DIDO1: variants seen among roughly 807,000 people sequenced by gnomAD.
The protein encoded by DIDO1 is death inducer-obliterator 1.
In DIDO1, 16 loss-of-function variants were observed where a neutral mutation model predicts 99.4. That is an observed-to-expected ratio of 0.16 (90% confidence interval 0.11 to 0.24). The LOEUF is 0.24. Among genes scored for constraint, DIDO1 ranks in the 10% least tolerant of loss-of-function variants. The pLI is 1.00. For missense variants in DIDO1, 2,996 were observed against 3,014.0 expected, an observed-to-expected ratio of 0.99 and a Z score of 0.14; for synonymous variants, 1,366 against 1,239.1, an observed-to-expected ratio of 1.10 and a Z score of -2.15.
chr20:62,937,855 G>C (rs533167781), exon 1 of DIDO1: 1 of 398,532 alleles, frequency 2.5e-6, no homozygotes, highest in Admixed American at 4.4e-5. Context: ...GCGCTCCAAC[G>C]CCTCCGCAGC....
chr20:62,889,864 A>T (rs1050240099), intron 15 of DIDO1: 1 of 985,366 alleles, frequency 1.0e-6, no homozygotes, highest in Admixed American at 6.1e-5. Flanking sequence ...GAAATTACTG[A>T]TACCAACCAA....
chr20:62,936,684 G>A (rs1383092464), intron 1 of DIDO1, among the ~76,000 whole-genome samples: 1 of 151,706 alleles, frequency 6.6e-6, no homozygotes, highest in Admixed American at 6.6e-5. Flanking sequence ...ACCAACAAGG[G>A]GAAACCCCGT....
In DIDO1 at chr20:62,894,803, T is replaced by G; in HGVS notation, c.2436+7A>C. The G allele has an allele frequency of 6.2e-7, 1 of 1,607,332 alleles. No individual in the cohort carries two copies. The highest frequency in any genetic ancestry group is 8.5e-7 in the Non-Finnish European group (1 of 1,178,134). On this transcript the variant is annotated splice_region_variant and intron_variant, in intron 10 of 15. Coordinates refer to ENST00000395343, the MANE Select transcript of DIDO1 (RefSeq NM_001193369.2). This position sits in a 1 kb window ranked among gnomAD's most constrained non-coding sequence, Gnocchi z 4.4. Reference sequence around the variant, plus strand: ...CTCGGTGAACACAAAATCTCCCAAATGCTTACCTCTGAATCCGACACTGGC... The same window carrying G: ...CTCGGTGAACACAAAATCTCCCAAAGGCTTACCTCTGAATCCGACACTGGC...
chr20:62,901,373 T>C (rs1025668875), intron 6 of DIDO1, among the ~76,000 whole-genome samples: 1 of 152,220 alleles, frequency 6.6e-6, no homozygotes, highest in Non-Finnish European at 1.5e-5. Flanking sequence ...CGTGGACAGA[T>C]GGACGTTCCA....
chr20:62,919,278 T>A lies in DIDO1; in HGVS notation c.-199-4872A>T, dbSNP rs6089813. The stretch of plus-strand genomic sequence containing the variant: ...AAAAATTATTCTGGGCCGGGTGCGG[T>A]GGCTCATGCCTGCACTTCGGGAGGC... On this transcript the variant is annotated intron_variant, in intron 1 of 15. Coordinates refer to ENST00000395343, the MANE Select transcript of DIDO1 (RefSeq NM_001193369.2). Among the ~76,000 whole-genome samples the A allele has an allele frequency of 1.3e-5, 2 of 152,060 alleles. 1 individual carries two copies. Among genetic ancestry groups the A allele is most frequent in the South Asian group, 4.1e-4 (2 of 4,824 alleles).
chr20:62,898,373 A>C (rs750664543), intron 6 of DIDO1, among the ~76,000 whole-genome samples: 6 of 152,152 alleles, frequency 3.9e-5, no homozygotes, highest in Non-Finnish European at 8.8e-5. Context: ...AGTCTTCCCA[A>C]CTTCCCAGAT....
At position 62,896,102 on chromosome 20, in the gene DIDO1, G is replaced by T; in HGVS notation, c.2214+131C>A. 9.9e-7 allele frequency: 1 copy of T among 1,011,434 alleles called. No homozygotes were observed. Among genetic ancestry groups the T allele is most frequent in the Non-Finnish European group, 1.4e-6 (1 of 691,438 alleles). 62.7% of individuals were successfully genotyped at this position (1,011,434 alleles called of 1,614,324 possible). ...GTGCAACAATACGTGGGCGGCAGAA[G>T]GATCACAGAGGAGAAAGAAACGTCT... On this transcript the variant is annotated intron_variant, in intron 8 of 15. Transcript: ENST00000395343. This position sits in a 1 kb window ranked among gnomAD's most constrained non-coding sequence, Gnocchi z 4.4.
intron 15 of DIDO1, chr20:62,889,346 C>T (rs963770794): frequency 1.0e-6 from 1 of 974,368 alleles, no homozygotes; most frequent in Non-Finnish European, 1.2e-6. Context: ...CCGGCATGCG[C>T]CGGGGCTCGC....
At chr20:62,927,926 G>A (rs2065281578), upstream of DIDO1, among the ~76,000 whole-genome samples, 2 of 152,120 alleles carry the variant, frequency 1.3e-5, no homozygotes, top group Admixed American at 1.3e-4. Context: ...TCTCAGACAT[G>A]GGGTAGTGGG....
intron 15 of DIDO1, chr20:62,887,106 G>C: frequency 1.0e-6 from 1 of 985,424 alleles, no homozygotes; most frequent in South Asian, 4.7e-5. Flanking sequence ...GGGCTGCAGA[G>C]CTGGGCACAC....
intron 1 of DIDO1, among the ~76,000 whole-genome samples, chr20:62,922,614 G>A (rs149646503): frequency 2.0e-5 from 3 of 152,262 alleles, no homozygotes; most frequent in Admixed American, 6.5e-5. Flanking sequence ...AAATGGGGAC[G>A]GTAACGACCT....
rs1022536219 is a variant in DIDO1, at chr20:62,895,442, T to G, written c.2215-277A>C. On this transcript the variant is annotated intron_variant, in intron 8 of 15. Transcript: ENST00000395343. ...GTTCAACAGTGGGTTTCACGGCCTG[T>G]GCTGCACTGGCTCTGCTAAAAAAAA... is the stretch of plus-strand genomic sequence containing the variant. Among the ~76,000 whole-genome samples the G allele has an allele frequency of 2.9e-5, 4 of 139,302 alleles. No homozygotes were observed. The South Asian group carries it at 9.3e-4, about 32-fold the overall frequency. 91.4% of individuals were successfully genotyped at this position (139,302 alleles called of 152,430 possible).
intron 1 of DIDO1, among the ~76,000 whole-genome samples, chr20:62,925,947 C>T (rs1294255685): frequency 1.3e-5 from 2 of 152,214 alleles, no homozygotes; most frequent in Admixed American, 1.3e-4. Context: ...CCCGAAGGCA[C>T]GCCAGAAGCT....
intron 3 of DIDO1, 98 bp from the exon 4 acceptor site, chr20:62,910,118 G>A: frequency 7.8e-7 from 1 of 1,288,054 alleles, no homozygotes. Context: ...ATGAAAAAAT[G>A]CAAATATACA....
chr20:62,908,311 A>G (rs947350659), intron 4 of DIDO1, among the ~76,000 whole-genome samples: 2 of 152,156 alleles, frequency 1.3e-5, no homozygotes, highest in African/African-American at 4.8e-5. Flanking sequence ...AAACAGCGTG[A>G]GGGCTTCTGG....
upstream of DIDO1, among the ~76,000 whole-genome samples, chr20:62,929,952 T>C (rs2065315169): frequency 6.6e-6 from 1 of 151,892 alleles, no homozygotes; most frequent in Non-Finnish European, 1.5e-5. Context: ...TAACCAGATC[T>C]GCCAGGCGCG....
chr20:62,935,635 T>G (rs2065374814), intron 1 of DIDO1, among the ~76,000 whole-genome samples: 1 of 152,166 alleles, frequency 6.6e-6, no homozygotes, highest in Non-Finnish European at 1.5e-5. Flanking sequence ...CTTGTTGACA[T>G]GAGAAAACCT....
chr20:62,930,111 G>C (rs374800648), upstream of DIDO1, among the ~76,000 whole-genome samples: 6 of 152,088 alleles, frequency 3.9e-5, no homozygotes, highest in South Asian at 1.2e-3. Context: ...GTGGTGGCAG[G>C]CGCCTGTAAT....
chr20:62,893,033 T>C (rs1600934634), intron 12 of DIDO1, 71 bp from the exon 13 acceptor site: 1 of 157,116 alleles, frequency 6.4e-6, no homozygotes, highest in Non-Finnish European at 8.8e-6. Context: ...GTAGAAAGCC[T>C]TTTTTTTTTT....
Sources: allele counts gnomAD v4.1 joint callset (sites outside exome capture counted in the v4.1 genomes callset), GRCh38; gene constraint gnomAD v4.1.1; non-coding constraint Gnocchi (gnomAD v3.1); transcripts MANE v1.5; gene names NCBI Gene and HGNC (gene_info 2026-07-23, HGNC 2026-07-21).